Variants in ZNF618 observed in about 807,000 individuals in gnomAD.
The protein encoded by ZNF618 is neural precursor cell expressed, developmentally down-regulated 10.
In ZNF618, 34 loss-of-function variants were observed where a neutral mutation model predicts 103.0. The ratio of observed to expected loss-of-function variants is 0.33; its 90% confidence interval spans 0.25 to 0.44. The LOEUF (loss-of-function observed/expected upper bound fraction) is 0.44, where lower values mean the gene tolerates loss of function less well. Ranked by LOEUF, ZNF618 falls within the 20% of genes least tolerant of loss-of-function variation. ZNF618 has a pLI of 1.00. For synonymous variants in ZNF618, 551 were observed against 542.2 expected (o/e 1.02, Z -0.23); for missense variants, 1,059 against 1,295.4 (o/e 0.82, Z 2.80).
Position 114,050,403 on chromosome 9 carries a change from CTG to C in ZNF618, c.*239_*240del, listed in dbSNP as rs1289086106. 34 of 468,362 alleles carry C rather than the reference CTG, an allele frequency of 7.3e-5. No homozygotes were observed. Among genetic ancestry groups the C allele is most frequent in the Admixed American group, 2.0e-4 (5 of 24,974 alleles). 29.0% of individuals were successfully genotyped at this position (468,362 alleles called of 1,614,324 possible). ...TGGTTGTGGGGGTGTGGGGGGGTCT[CTG>C]TGCTCATCTCCATGGCCAGAGAAAC... On this transcript the variant is annotated 3_prime_UTR_variant, in exon 15 of 15. Transcript: ENST00000374126.
chr9:113,952,367 C>T (rs1220948091), intron 1 of ZNF618, among the ~76,000 whole-genome samples: 1 of 152,184 alleles, frequency 6.6e-6, no homozygotes, highest in East Asian at 1.9e-4. Flanking sequence ...GCTGATCTGT[C>T]CTTTTGCTCA....
intron 1 of ZNF618, among the ~76,000 whole-genome samples, chr9:113,913,329 C>A (rs932410989): frequency 1.3e-5 from 2 of 152,208 alleles, no homozygotes; most frequent in Admixed American, 1.3e-4. Flanking sequence ...GATTGCTGTC[C>A]CTCAAAGTCT....
At chr9:113,988,275 T>C (rs1199964612) in intron 2 of ZNF618, 46 bp from the exon 3 acceptor site, 2 of 1,571,484 alleles carry the variant, frequency 1.3e-6, no homozygotes, top group Non-Finnish European at 1.7e-6. Flanking sequence ...GGCTCCTGTG[T>C]TGATCTGGAG....
chr9:114,022,418 A>G (rs1326530602), intron 10 of ZNF618, among the ~76,000 whole-genome samples: 3 of 152,186 alleles, frequency 2.0e-5, no homozygotes, highest in Non-Finnish European at 4.4e-5. Context: ...AGGATTATTT[A>G]GAAATATATT....
At chr9:113,969,049 G>T (rs984380621) in intron 1 of ZNF618, 68 bp from the exon 2 acceptor site, 1 of 1,567,618 alleles carries the variant, frequency 6.4e-7, no homozygotes, top group African/African-American at 1.3e-5. Context: ...GAGCTTGATG[G>T]GGTGGCAGCA....
intron 1 of ZNF618, among the ~76,000 whole-genome samples, chr9:113,958,623 A>G (rs1159112169): frequency 6.6e-6 from 1 of 152,198 alleles, no homozygotes; most frequent in African/African-American, 2.4e-5. Flanking sequence ...AGAGATCATG[A>G]TGCATCCAGC....
intron 1 of ZNF618, among the ~76,000 whole-genome samples, chr9:113,909,125 ACTCT>A (rs140553852): frequency 3.3e-5 from 5 of 150,360 alleles, no homozygotes; most frequent in Non-Finnish European, 7.4e-5. Context: ...GAGCAAGGAC[ACTCT>A]CTCTCTCTCT....
At chr9:113,965,574 TTTTA>T (rs1313007798) in intron 1 of ZNF618, among the ~76,000 whole-genome samples, 1 of 152,156 alleles carries the variant, frequency 6.6e-6, no homozygotes, top group Admixed American at 6.5e-5. Flanking sequence ...GTCCTCCTTA[TTTTA>T]TTTGTCATAG....
chr9:113,918,410 A>G (rs1394571841), intron 1 of ZNF618, among the ~76,000 whole-genome samples: 2 of 152,162 alleles, frequency 1.3e-5, no homozygotes, highest in Admixed American at 6.5e-5. Context: ...ATTTTTCATC[A>G]TGCTTTTCTA....
intron 1 of ZNF618, among the ~76,000 whole-genome samples, chr9:113,932,775 G>C (rs915879301): frequency 6.6e-6 from 1 of 152,102 alleles, no homozygotes; most frequent in African/African-American, 2.4e-5. Context: ...GTGGGGTGGA[G>C]GTGTGGAATG....
intron 1 of ZNF618, among the ~76,000 whole-genome samples, chr9:113,930,507 A>AT (rs1037211583): frequency 3.3e-5 from 5 of 152,194 alleles, no homozygotes; most frequent in African/African-American, 1.2e-4. Context: ...TGGATAAGAA[A>AT]TTATTGCCAT....
intron 1 of ZNF618, among the ~76,000 whole-genome samples, chr9:113,898,785 G>A (rs1280038276): frequency 6.6e-6 from 1 of 152,196 alleles, no homozygotes; most frequent in Non-Finnish European, 1.5e-5. Flanking sequence ...GGTTAATGAG[G>A]TGAGGCTGAG....
chr9:114,036,921 G>T (rs1444223719), intron 13 of ZNF618, among the ~76,000 whole-genome samples: 1 of 152,196 alleles, frequency 6.6e-6, no homozygotes, highest in East Asian at 1.9e-4. Flanking sequence ...AGGCTCCATT[G>T]TGAATTTCTG....
chr9:113,908,531 G>A (rs1428054497), intron 1 of ZNF618, among the ~76,000 whole-genome samples: 1 of 151,974 alleles, frequency 6.6e-6, no homozygotes, highest in African/African-American at 2.4e-5. Context: ...CATCTTTTAA[G>A]TTCTGATTTT....
chr9:114,048,291 A>T (rs1461240259), intron 14 of ZNF618, among the ~76,000 whole-genome samples: 1 of 152,222 alleles, frequency 6.6e-6, no homozygotes, highest in Non-Finnish European at 1.5e-5. Context: ...CTTTCCTGAC[A>T]TGATGATCCC....
At chr9:113,917,534 G>A (rs763684939) in intron 1 of ZNF618, among the ~76,000 whole-genome samples, 3 of 151,704 alleles carry the variant, frequency 2.0e-5, no homozygotes, top group Admixed American at 6.6e-5. Flanking sequence ...GGTTATAGGC[G>A]TGAGCCACCG....
intron 2 of ZNF618, among the ~76,000 whole-genome samples, chr9:113,978,509 T>C (rs1564246820): frequency 6.6e-6 from 1 of 152,244 alleles, no homozygotes; most frequent in Non-Finnish European, 1.5e-5. Context: ...TTATTTCATG[T>C]CGGTGTGACT....
At chr9:113,934,495 G>A (rs1398652614) in intron 1 of ZNF618, among the ~76,000 whole-genome samples, 1 of 152,184 alleles carries the variant, frequency 6.6e-6, no homozygotes, top group Non-Finnish European at 1.5e-5. Context: ...GCTGAAGCCC[G>A]TGTTCGGTTT....
chr9:113,977,414 T>C (rs1838580717), intron 2 of ZNF618, among the ~76,000 whole-genome samples: 1 of 152,182 alleles, frequency 6.6e-6, no homozygotes, highest in African/African-American at 2.4e-5. Flanking sequence ...ATCCTTTGTT[T>C]AGACGTCCAG....
Sources: gnomAD v4.1 joint callset for allele counts (sites outside exome capture counted in the v4.1 genomes callset) on GRCh38, gnomAD v4.1.1 for gene constraint, MANE v1.5 for transcripts, NCBI Gene and HGNC (gene_info 2026-07-23, HGNC 2026-07-21) for gene names.